KLHL5: variants seen among roughly 807,000 people sequenced by gnomAD.
The protein encoded by KLHL5 is kelch like family member 5, also known as kelch-like protein 5.
KLHL5 carries 48 observed loss-of-function variants against 77.7 expected under a neutral mutation model. The observed-to-expected ratio is 0.62, with a 90% CI of 0.49 to 0.79. The LOEUF is 0.79. Ranked by LOEUF, KLHL5 falls within the 30% of genes least tolerant of loss-of-function variation. The pLI is 0.00. For missense variants in KLHL5, 723 were observed against 859.7 expected (o/e 0.84, Z 1.99); for synonymous variants, 260 against 297.0 (o/e 0.88, Z 1.28).
intron 8 of KLHL5, among the ~76,000 whole-genome samples, chr4:39,108,501 A>T (rs1210350430): frequency 2.0e-5 from 3 of 152,118 alleles, no homozygotes; most frequent in African/African-American, 4.8e-5. Flanking sequence ...AAATAGTGAA[A>T]TTTTTTATAT....
At chr4:39,070,932 A>G (rs907137203) in intron 1 of KLHL5, among the ~76,000 whole-genome samples, 1 of 152,068 alleles carries the variant, frequency 6.6e-6, no homozygotes, top group Non-Finnish European at 1.5e-5. Context: ...ACTAGCCCAT[A>G]CTGATCTTCC....
intron 4 of KLHL5, among the ~76,000 whole-genome samples, chr4:39,086,225 A>G (rs539105297): frequency 1.3e-5 from 2 of 152,360 alleles, no homozygotes; most frequent in African/African-American, 2.4e-5. Context: ...AGAATTGCCA[A>G]AAGTATTTCC....
chr4:39,139,910 G>A, the KLHL5 span, among the ~76,000 whole-genome samples: 9 of 152,128 alleles, frequency 5.9e-5, no homozygotes, highest in African/African-American at 1.9e-4. Context: ...GAAAGACTGA[G>A]TAACTGTACT....
chr4:39,132,133 CAGA>C, the KLHL5 span, among the ~76,000 whole-genome samples: 2 of 152,010 alleles, frequency 1.3e-5, no homozygotes, highest in Admixed American at 6.6e-5. Flanking sequence ...AAGGACAAAC[CAGA>C]AGAACACCTA....
Position 39,062,426 on chromosome 4 carries a change from G to A in KLHL5, c.-227G>A, listed in dbSNP as rs914306155. On this transcript the variant is annotated 5_prime_UTR_variant, in exon 1 of 11. Coordinates refer to ENST00000504108, the MANE Select transcript of KLHL5 (RefSeq NM_015990.5). ...GGATGAGAGTTTGCTCTGATTGAAC[G>A]GAATGTTCCACCGTGTTTCATCTTT... is the stretch of plus-strand genomic sequence containing the variant. The A allele has an allele frequency of 5.3e-6, 8 of 1,503,652 alleles. No homozygotes were observed. The highest frequency in any genetic ancestry group is 2.5e-4 in the Middle Eastern group (1 of 4,040). 93.1% of individuals were successfully genotyped at this position (1,503,652 alleles called of 1,614,324 possible). A position where few individuals can be genotyped will look rare whatever the true frequency, so the allele number is the denominator to read the frequency against.
In KLHL5 at chr4:39,062,589, A is replaced by T. The variant is rs768361606; in HGVS notation, c.-64A>T. On this transcript the variant is annotated 5_prime_UTR_variant, in exon 1 of 11. The change abolishes an upstream ATG in the 5' untranslated region. Transcript: ENST00000504108. ...CATATACTTCTCTTGTCTTGGTTGG[A>T]TGCACAAATCTGTGTGCAGTGCTTT... 16 of 1,613,908 alleles carry T rather than the reference A, an allele frequency of 9.9e-6. No homozygotes were observed. In the Middle Eastern group the frequency reaches 1.3e-3, roughly 133 times the overall value.
At chr4:39,047,572 C>T (rs908810429) in intron 1 of KLHL5, among the ~76,000 whole-genome samples, 5 of 152,172 alleles carry the variant, frequency 3.3e-5, no homozygotes, top group Non-Finnish European at 7.3e-5. Context: ...GGCATTTTAA[C>T]ATACTGTATA....
Position 39,124,817 on chromosome 4 carries a change from A to AAAAAAAAAAAAAAC in KLHL5, c.*3760_*3761insAAAACAAAAAAAAA. Among the ~76,000 whole-genome samples, 1 of 150,444 alleles carries AAAAAAAAAAAAAAC rather than the reference A, an allele frequency of 6.6e-6. No homozygotes were observed. ...GCAACAACAGCAAAAAAAAAAAAAA[A>AAAAAAAAAAAAAAC]AAAAAAAAATCAAAATTAAAAGCTT... On this transcript the variant is annotated 3_prime_UTR_variant, in exon 11 of 11. Transcript: ENST00000504108.
intron 1 of KLHL5, among the ~76,000 whole-genome samples, chr4:39,070,475 T>C (rs1254605723): frequency 6.6e-6 from 1 of 152,228 alleles, no homozygotes; most frequent in African/African-American, 2.4e-5. Context: ...AAACAACCTG[T>C]GATAAACCCT....
chr4:39,051,498 G>A (rs1716642946), intron 1 of KLHL5, among the ~76,000 whole-genome samples: 1 of 152,122 alleles, frequency 6.6e-6, no homozygotes, highest in Non-Finnish European at 1.5e-5. Flanking sequence ...GGTTTTCTTG[G>A]GTTTAACTAA....
chr4:39,062,477 T>G lies in KLHL5; in HGVS notation c.-176T>G. On this transcript the variant is annotated 5_prime_UTR_variant, in exon 1 of 11. Transcript: ENST00000504108. The stretch of plus-strand genomic sequence containing the variant: ...ATTCATTATCCTTTGTTCTTTAAAA[T>G]CTGATATATTGGCATAAAAGTAATT... The G allele has an allele frequency of 6.3e-7, 1 of 1,575,690 alleles. No individual in the cohort carries two copies. Among genetic ancestry groups the G allele is most frequent in the Non-Finnish European group, 8.6e-7 (1 of 1,162,062 alleles).
intron 8 of KLHL5, among the ~76,000 whole-genome samples, chr4:39,109,699 C>G (rs1173133808): frequency 6.8e-6 from 1 of 147,266 alleles, no homozygotes; most frequent in East Asian, 2.0e-4. Flanking sequence ...ATCTCCCAGG[C>G]TAGAGGGCAG....
intron 6 of KLHL5, among the ~76,000 whole-genome samples, chr4:39,101,911 CATATATATATACATAT>C: frequency 7.0e-6 from 1 of 142,942 alleles, no homozygotes; most frequent in East Asian, 2.0e-4. Context: ...CACACACACA[CATATATATATACATAT>C]ATACACACAT....
chr4:39,136,493 G>A, the KLHL5 span, among the ~76,000 whole-genome samples: 21 of 152,272 alleles, frequency 1.4e-4, no homozygotes, highest in Non-Finnish European at 2.4e-4. Context: ...AAGCCATTAG[G>A]TAGTGTATAG....
downstream of KLHL5, among the ~76,000 whole-genome samples, chr4:39,127,871 C>T (rs1723621529): frequency 1.3e-5 from 2 of 152,142 alleles, no homozygotes; most frequent in South Asian, 4.1e-4. Flanking sequence ...ACAAGAATAG[C>T]TGTGCTGTGT....
intron 10 of KLHL5, chr4:39,116,118 G>C: frequency 2.8e-6 from 2 of 724,508 alleles, no homozygotes; most frequent in Non-Finnish European, 3.4e-6. Context: ...AGATCACGAG[G>C]TCAGGAGTTC....
intron 6 of KLHL5, among the ~76,000 whole-genome samples, chr4:39,099,514 A>G (rs888568299): frequency 6.6e-6 from 1 of 152,008 alleles, no homozygotes; most frequent in African/African-American, 2.4e-5. Context: ...TCCCTCACTG[A>G]TGCTTTTATT....
At chr4:39,084,346 G>T (rs1236620901) in intron 4 of KLHL5, among the ~76,000 whole-genome samples, 1 of 152,108 alleles carries the variant, frequency 6.6e-6, no homozygotes, top group Non-Finnish European at 1.5e-5. Flanking sequence ...ATGACCTGGA[G>T]CAAGTCATGT....
intron 5 of KLHL5, among the ~76,000 whole-genome samples, chr4:39,096,143 G>T (rs1056005445): frequency 2.0e-5 from 3 of 152,056 alleles, no homozygotes; most frequent in Non-Finnish European, 2.9e-5. Flanking sequence ...AATTGTATTT[G>T]TGTTATATAA....
Sources: gnomAD v4.1 joint callset for allele counts (sites outside exome capture counted in the v4.1 genomes callset) on GRCh38, gnomAD v4.1.1 for gene constraint, MANE v1.5 for transcripts, NCBI Gene and HGNC (gene_info 2026-07-23, HGNC 2026-07-21) for gene names.